The following KLF8 variants were observed in gnomAD, a reference collection of about 807,000 sequenced individuals.
KLF8 encodes KLF transcription factor 8, also known as Krueppel-like factor 8.
KLF8 carries 10 observed loss-of-function variants against 18.2 expected under a neutral mutation model. The ratio of observed to expected loss-of-function variants is 0.55; its 90% CI spans 0.34 to 0.93. KLF8 has a LOEUF of 0.93. Ranked by LOEUF, KLF8 falls within the 40% of genes least tolerant of loss-of-function variation. The probability of loss-of-function intolerance (pLI) is 0.02; values close to 1 mark genes in which losing one functional copy is unlikely to be tolerated. For missense variants in KLF8, 264 were observed against 277.9 expected, an observed-to-expected ratio of 0.95 and a Z score of 0.36; for synonymous variants, 109 against 97.3, an observed-to-expected ratio of 1.12 and a Z score of -0.71.
the KLF8 span, among the ~76,000 whole-genome samples, chrX:56,064,591 T>C: frequency 8.9e-6 from 1 of 111,754 alleles, no homozygotes; most frequent in East Asian, 2.8e-4. Flanking sequence ...ATTCTTTGTT[T>C]CTTTATTTTT....
In KLF8 at chrX:56,288,895, G is replaced by A. The variant is rs2067295770; in HGVS notation, c.*4401G>A. Reference sequence around the variant, plus strand: ...GTTGTTTAACCTTGATCACCTGGCTGAAATAGTTGTTGTCAGGTTTCTCCC... The same window carrying A: ...GTTGTTTAACCTTGATCACCTGGCTAAAATAGTTGTTGTCAGGTTTCTCCC... On this transcript the variant is annotated 3_prime_UTR_variant, in exon 6 of 6. Coordinates refer to ENST00000468660, the MANE Select transcript of KLF8 (RefSeq NM_007250.5). 8.9e-6 allele frequency among the ~76,000 whole-genome samples: 1 copy of A among 111,889 alleles called. No homozygotes were observed. Among genetic ancestry groups the A allele is most frequent in the Non-Finnish European group, 1.9e-5 (1 of 53,175 alleles).
chrX:55,927,507 AC>A, the KLF8 span, among the ~76,000 whole-genome samples: 1 of 110,587 alleles, frequency 9.0e-6, no homozygotes, highest in African/African-American at 3.3e-5. Flanking sequence ...TTGGGGTTCA[AC>A]CCCCCATTCC....
chrX:56,107,220 C>T, the KLF8 span, among the ~76,000 whole-genome samples: 2 of 112,174 alleles, frequency 1.8e-5, no homozygotes, highest in African/African-American at 3.2e-5. Flanking sequence ...AGAGCTCAAA[C>T]GCTTTGCTGG....
At chrX:55,995,594 T>C in the KLF8 span, among the ~76,000 whole-genome samples, 1,215 of 112,126 alleles carry the variant, frequency 0.011, 9 homozygotes, top group African/African-American at 0.038. Context: ...AATATCCTTA[T>C]TATTTGCTTT....
the KLF8 span, among the ~76,000 whole-genome samples, chrX:56,192,325 GACA>G: frequency 3.6e-5 from 4 of 111,403 alleles, no homozygotes; most frequent in Admixed American, 1.9e-4. Context: ...AATTCAAGAA[GACA>G]ACAATAAGCT....
At chrX:56,032,979 C>T in the KLF8 span, among the ~76,000 whole-genome samples, 8 of 112,056 alleles carry the variant, frequency 7.1e-5, no homozygotes, top group African/African-American at 2.6e-4. Context: ...CATTGCTCCA[C>T]ATCCTTGCCA....
the KLF8 span, among the ~76,000 whole-genome samples, chrX:56,055,422 T>C: frequency 8.9e-6 from 1 of 112,184 alleles, no homozygotes; most frequent in East Asian, 2.8e-4. Context: ...GGGTTTCTGC[T>C]GAGAAGTTCA....
At chrX:56,265,958 A>G (rs763904515) in intron 3 of KLF8, 1 of 976,738 alleles carries the variant, frequency 1.0e-6, no homozygotes, top group African/African-American at 1.9e-5. Context: ...ACAAGTATGC[A>G]TATCTATCAG....
At chrX:56,068,796 T>G in the KLF8 span, among the ~76,000 whole-genome samples, 1 of 110,823 alleles carries the variant, frequency 9.0e-6, no homozygotes, top group African/African-American at 3.3e-5. Flanking sequence ...GGACACAGCT[T>G]CATGTTGTCC....
At chrX:56,146,856 A>G in the KLF8 span, among the ~76,000 whole-genome samples, 1 of 112,184 alleles carries the variant, frequency 8.9e-6, no homozygotes, top group East Asian at 2.8e-4. Flanking sequence ...TTTAAAACAC[A>G]TATTTTCTTT....
chrX:56,113,293 C>T, the KLF8 span, among the ~76,000 whole-genome samples: 2 of 108,018 alleles, frequency 1.9e-5, no homozygotes, highest in Admixed American at 2.0e-4. Context: ...GTAAATAGGC[C>T]ATACTTTCAT....
chrX:56,010,110 A>G, the KLF8 span, among the ~76,000 whole-genome samples: 1 of 111,536 alleles, frequency 9.0e-6, no homozygotes, highest in Admixed American at 9.5e-5. Context: ...AACACGGAGA[A>G]CCTCAGTAAG....
chrX:56,044,085 C>G, the KLF8 span, among the ~76,000 whole-genome samples: 2 of 111,982 alleles, frequency 1.8e-5, no homozygotes, highest in African/African-American at 6.5e-5. Flanking sequence ...TGCTTTGAGT[C>G]TGCTTTAGAC....
At chrX:55,953,266 C>T in the KLF8 span, among the ~76,000 whole-genome samples, 7 of 110,896 alleles carry the variant, frequency 6.3e-5, no homozygotes, top group Non-Finnish European at 1.1e-4. Flanking sequence ...AAATTAAAGC[C>T]GGGTACAGGG....
the KLF8 span, among the ~76,000 whole-genome samples, chrX:56,034,180 G>T: frequency 8.9e-6 from 1 of 111,865 alleles, no homozygotes; most frequent in East Asian, 2.8e-4. Context: ...CCATGGTGAG[G>T]TGATTTTCAT....
chrX:56,117,270 T>G, the KLF8 span, among the ~76,000 whole-genome samples: 2 of 112,317 alleles, frequency 1.8e-5, no homozygotes, highest in Admixed American at 1.9e-4. Flanking sequence ...AACTTGCTCA[T>G]GAACATTAGC....
At chrX:56,073,811 T>C in the KLF8 span, among the ~76,000 whole-genome samples, 1 of 107,541 alleles carries the variant, frequency 9.3e-6, no homozygotes, top group Non-Finnish European at 1.9e-5. Context: ...AATGGCACGA[T>C]GTCAGCTCAC....
At chrX:56,255,992 A>G (rs1476276076) in intron 2 of KLF8, among the ~76,000 whole-genome samples, 1 of 111,723 alleles carries the variant, frequency 9.0e-6, no homozygotes, top group Non-Finnish European at 1.9e-5. Context: ...GGTAGAATTC[A>G]GCTGTGAAGC....
At chrX:55,935,609 A>C in the KLF8 span, among the ~76,000 whole-genome samples, 1 of 112,494 alleles carries the variant, frequency 8.9e-6, no homozygotes, top group Non-Finnish European at 1.9e-5. Context: ...GATAGTATGC[A>C]TAGCAGTGCT....
Sources: allele counts gnomAD v4.1 joint callset (sites outside exome capture counted in the v4.1 genomes callset), GRCh38; gene constraint gnomAD v4.1.1; transcripts MANE v1.5; gene names NCBI Gene and HGNC (gene_info 2026-07-23, HGNC 2026-07-21).